Variants in SEMA3D observed in about 807,000 individuals in gnomAD.
SEMA3D encodes the protein semaphorin 3D, also known as semaphorin-3D.
In SEMA3D, 84 loss-of-function variants were observed where a neutral mutation model predicts 100.1. The ratio of observed to expected loss-of-function variants is 0.84; its 90% confidence interval spans 0.70 to 1.01. SEMA3D has a LOEUF of 1.01. Among genes scored for constraint, SEMA3D ranks in the 50% least tolerant of loss-of-function variants. The pLI, the probability that SEMA3D is intolerant of heterozygous loss-of-function variation, is 0.00. For missense variants in SEMA3D, 875 were observed against 934.1 expected (o/e 0.94, Z 0.82); for synonymous variants, 312 against 320.7 (o/e 0.97, Z 0.29).
At chr7:85,098,379 T>C (rs1319270748) in intron 3 of SEMA3D, among the ~76,000 whole-genome samples, 1 of 151,882 alleles carries the variant, frequency 6.6e-6, no homozygotes, top group African/African-American at 2.4e-5. Flanking sequence ...AACCCTGTGT[T>C]CACATTCTTA....
At chr7:85,250,082 T>C in the SEMA3D span, among the ~76,000 whole-genome samples, 1 of 152,218 alleles carries the variant, frequency 6.6e-6, no homozygotes, top group Non-Finnish European at 1.5e-5. Context: ...GGGAGTTCCC[T>C]TTCCTAGTCA....
chr7:85,017,998 G>A (rs1790151519), intron 15 of SEMA3D, among the ~76,000 whole-genome samples: 1 of 151,728 alleles, frequency 6.6e-6, no homozygotes. Context: ...ATTCTCATGA[G>A]ACTAGGAAAG....
intron 3 of SEMA3D, among the ~76,000 whole-genome samples, chr7:85,112,663 C>G (rs1446009506): frequency 1.3e-5 from 2 of 152,018 alleles, no homozygotes; most frequent in African/African-American, 4.8e-5. Flanking sequence ...CCTCAAGTAT[C>G]TTATCTATAA....
chr7:85,225,286 C>T, the SEMA3D span, among the ~76,000 whole-genome samples: 1 of 149,154 alleles, frequency 6.7e-6, no homozygotes, highest in Non-Finnish European at 1.5e-5. Context: ...ATCTGTGATC[C>T]TCTTATCTTT....
chr7:85,155,899 CA>C (rs1790581754), intron 1 of SEMA3D, among the ~76,000 whole-genome samples: 1 of 152,076 alleles, frequency 6.6e-6, no homozygotes, highest in South Asian at 2.1e-4. Flanking sequence ...TGACTTATGT[CA>C]CACTTACACA....
At chr7:85,227,809 T>C in the SEMA3D span, among the ~76,000 whole-genome samples, 4 of 152,138 alleles carry the variant, frequency 2.6e-5, no homozygotes, top group Admixed American at 2.6e-4. Flanking sequence ...TTGGACCTTA[T>C]TAATCATAGT....
At chr7:85,039,252 C>A (rs917963890) in intron 11 of SEMA3D, among the ~76,000 whole-genome samples, 16 of 152,084 alleles carry the variant, frequency 1.1e-4, no homozygotes, top group African/African-American at 3.6e-4. Context: ...GAAAGTTTCA[C>A]AGATGCTAGT....
chr7:85,053,897 T>A (rs914814911), intron 9 of SEMA3D, among the ~76,000 whole-genome samples: 6 of 151,980 alleles, frequency 3.9e-5, no homozygotes, highest in Admixed American at 3.9e-4. Flanking sequence ...CATGACAGAA[T>A]CTTGCTGTGT....
In SEMA3D at chr7:84,999,869, C is replaced by CT; in HGVS notation, c.1909-5_1909-4insA. On this transcript the variant is annotated splice_polypyrimidine_tract_variant and splice_region_variant and intron_variant, in intron 18 of 18. Coordinates refer to ENST00000284136, the MANE Select transcript of SEMA3D (RefSeq NM_001384900.1). ...TGATTCTTTCATCGGGCTTCAACTG[C>CT]AGAATTGGAAAAATGTAGGTAATAA... The CT allele has an allele frequency of 6.2e-7, 1 of 1,609,252 alleles. No individual in the cohort carries two copies. Among genetic ancestry groups the CT allele is most frequent in the Non-Finnish European group, 8.5e-7 (1 of 1,177,124 alleles).
upstream of SEMA3D, among the ~76,000 whole-genome samples, chr7:85,191,245 A>T (rs1370984526): frequency 1.3e-5 from 2 of 152,148 alleles, no homozygotes; most frequent in Non-Finnish European, 2.9e-5. Flanking sequence ...CGCCTGATAT[A>T]GGAGTCTATA....
intron 1 of SEMA3D, among the ~76,000 whole-genome samples, chr7:85,156,368 G>A (rs914039533): frequency 8.5e-5 from 13 of 152,054 alleles, no homozygotes; most frequent in African/African-American, 1.7e-4. Context: ...CCAAAGTGCT[G>A]GGATTACAGG....
chr7:85,066,913 C>CACATACACACAGAGAGAGAGAGAG, intron 7 of SEMA3D, among the ~76,000 whole-genome samples: 1 of 127,760 alleles, frequency 7.8e-6, no homozygotes, highest in African/African-American at 3.2e-5. Context: ...CACACACACA[C>CACATACACACAGAGAGAGAGAGAG]AGAGAGAGAG....
rs576749325 is a variant in SEMA3D at position 85,143,124 on chromosome 7, T to C, written c.-41+10484A>G. 1,217 of 975,732 alleles carry C rather than the reference T, an allele frequency of 1.2e-3. 1 individual carries two copies. The highest frequency in any genetic ancestry group is 2.6e-3 in the Middle Eastern group (5 of 1,896). The allele number at this position is 975,732 out of a possible 1,614,324, so 60.4% of individuals were successfully genotyped here. ...ATGAGTACCTATCACATAGCTATCA[T>C]GGTACAACACACAATTAGGTATGAA... On this transcript the variant is annotated intron_variant, in intron 2 of 18. Coordinates refer to ENST00000284136, the MANE Select transcript of SEMA3D (RefSeq NM_001384900.1).
At chr7:85,129,473 ATATCT>A (rs1583951711) in intron 2 of SEMA3D, among the ~76,000 whole-genome samples, 1 of 152,142 alleles carries the variant, frequency 6.6e-6, no homozygotes, top group Non-Finnish European at 1.5e-5. Flanking sequence ...TATTTAATAC[ATATCT>A]TATCAGACTG....
At chr7:85,087,793 A>T (rs561413677) in intron 4 of SEMA3D, among the ~76,000 whole-genome samples, 2 of 152,144 alleles carry the variant, frequency 1.3e-5, no homozygotes, top group African/African-American at 4.8e-5. Context: ...CAAAGGATTA[A>T]TTTTTTCATG....
At chr7:85,087,562 G>C (rs1257054702) in intron 4 of SEMA3D, among the ~76,000 whole-genome samples, 2 of 152,092 alleles carry the variant, frequency 1.3e-5, no homozygotes, top group African/African-American at 4.8e-5. Context: ...TTGCAAATTG[G>C]TTTTAATTTG....
the SEMA3D span, among the ~76,000 whole-genome samples, chr7:85,197,833 C>T: frequency 6.6e-6 from 1 of 152,132 alleles, no homozygotes; most frequent in African/African-American, 2.4e-5. Context: ...TGGCAACACT[C>T]TCTGAAATAG....
intron 4 of SEMA3D, among the ~76,000 whole-genome samples, chr7:85,085,851 A>G (rs1463725009): frequency 6.6e-6 from 1 of 152,238 alleles, no homozygotes; most frequent in Admixed American, 6.5e-5. Flanking sequence ...TTGTAAAGGA[A>G]TACAAATCTG....
chr7:85,017,336 A>G (rs1474154807), intron 15 of SEMA3D, among the ~76,000 whole-genome samples: 1 of 151,602 alleles, frequency 6.6e-6, no homozygotes, highest in Non-Finnish European at 1.5e-5. Flanking sequence ...TTCCTTTGAC[A>G]CTCAGCTATA....
Sources: allele counts gnomAD v4.1 joint callset (sites outside exome capture counted in the v4.1 genomes callset), GRCh38; gene constraint gnomAD v4.1.1; transcripts MANE v1.5; gene names NCBI Gene and HGNC (gene_info 2026-07-23, HGNC 2026-07-21).